LRBA: variants seen among roughly 807,000 people sequenced by gnomAD.
The protein encoded by LRBA is lipopolysaccharide-responsive and beige-like anchor protein.
Under a neutral mutation model 330.0 loss-of-function variants are expected in LRBA, and 176 were observed. The observed-to-expected ratio is 0.53, with a 90% CI of 0.47 to 0.60. The LOEUF (loss-of-function observed/expected upper bound fraction) is 0.60. LRBA is among the 20% of genes least tolerant of loss of function. The probability of loss-of-function intolerance (pLI) is 0.00; values close to 1 mark genes in which losing one functional copy is unlikely to be tolerated. For missense variants in LRBA, 3,259 were observed against 3,444.8 expected (o/e 0.95, Z 1.35); for synonymous variants, 1,230 against 1,193.0 (o/e 1.03, Z -0.64).
At chr4:150,778,176 T>G (rs1044769967) in intron 34 of LRBA, among the ~76,000 whole-genome samples, 1 of 152,116 alleles carries the variant, frequency 6.6e-6, no homozygotes, top group Admixed American at 6.6e-5. Flanking sequence ...AGGAAAGATT[T>G]TATTCTATTG....
At chr4:150,763,895 T>G (rs1735419275) in intron 34 of LRBA, among the ~76,000 whole-genome samples, 1 of 151,920 alleles carries the variant, frequency 6.6e-6, no homozygotes, top group Non-Finnish European at 1.5e-5. Flanking sequence ...CCTCTGTGGA[T>G]AGGCAGCAAG....
At chr4:150,868,883 A>G (rs1753072853) in intron 20 of LRBA, among the ~76,000 whole-genome samples, 1 of 152,210 alleles carries the variant, frequency 6.6e-6, no homozygotes, top group South Asian at 2.1e-4. Context: ...GGCTGCAGTG[A>G]GCCAAGATCG....
Position 150,851,918 on chromosome 4 carries a change from C to T in LRBA, c.3792G>A (p.Val1264=), listed in dbSNP as rs1445507837. 3 of 1,613,544 alleles carry T rather than the reference C, an allele frequency of 1.9e-6. No homozygotes were observed. Among genetic ancestry groups the T allele is most frequent in the Admixed American group, 3.3e-5 (2 of 59,970 alleles). ...CATGTCGATGAGGTTGAGGTGCTTC[C>T]ACGTTGGGACTGGCCTTCAACTCCA... ...ERLELKASPN[V]EAPQPHRHVL... is the part of the protein sequence containing the mutation. The change falls in exon 23 of 57, where the codon GTG becomes GTA. Residue 1264 remains valine, a synonymous_variant. Transcript: ENST00000651943.
intron 2 of LRBA, among the ~76,000 whole-genome samples, chr4:150,941,561 G>C (rs1166538262): frequency 6.6e-6 from 1 of 151,988 alleles, no homozygotes; most frequent in African/African-American, 2.4e-5. Context: ...GACTTTTTTT[G>C]GAAATATCAT....
At chr4:150,592,143 G>A (rs1460807676) in intron 38 of LRBA, among the ~76,000 whole-genome samples, 2 of 56,674 alleles carry the variant, frequency 3.5e-5, no homozygotes, top group South Asian at 9.7e-4. Context: ...GGATGGCTAG[G>A]GTTTTTTTTT....
intron 53 of LRBA, among the ~76,000 whole-genome samples, chr4:150,302,056 T>C (rs1404792703): frequency 6.6e-6 from 1 of 152,208 alleles, no homozygotes; most frequent in African/African-American, 2.4e-5. Flanking sequence ...CAATTTTAAA[T>C]GGTTACACAT....
rs76227279 is a variant in LRBA at position 150,602,541 on chromosome 4, A to T, written c.5922-3410T>A. Reference sequence around the variant, plus strand: ...TGTTTCCCTAAGTCTGCTCCCTCCAACAACACATACTCTCAGTATAACGCT... The same window carrying T: ...TGTTTCCCTAAGTCTGCTCCCTCCATCAACACATACTCTCAGTATAACGCT... On this transcript the variant is annotated intron_variant, in intron 37 of 56. Coordinates refer to ENST00000651943, the MANE Select transcript of LRBA (RefSeq NM_001364905.1). Among the ~76,000 whole-genome samples, 5 of 152,254 alleles carry T rather than the reference A, an allele frequency of 3.3e-5. No individual in the cohort carries two copies. The East Asian group carries it at 9.6e-4, about 29-fold the overall frequency.
chr4:150,395,753 T>C (rs1305960426), intron 47 of LRBA, among the ~76,000 whole-genome samples: 1 of 152,144 alleles, frequency 6.6e-6, no homozygotes, highest in Non-Finnish European at 1.5e-5. Flanking sequence ...ATACAAAAAA[T>C]TCCATTATCT....
intron 22 of LRBA, among the ~76,000 whole-genome samples, chr4:150,864,761 C>T (rs903458328): frequency 6.6e-6 from 1 of 151,386 alleles, no homozygotes; most frequent in East Asian, 1.9e-4. Context: ...ATTCTCCTGC[C>T]TCAGTCTCCC....
intron 2 of LRBA, among the ~76,000 whole-genome samples, chr4:150,955,703 C>T (rs1050304222): frequency 6.7e-6 from 1 of 148,504 alleles, no homozygotes; most frequent in African/African-American, 2.6e-5. Flanking sequence ...ACCAGCCTGG[C>T]CAACATGGTG....
At chr4:150,537,041 G>C (rs998517222) in intron 40 of LRBA, among the ~76,000 whole-genome samples, 1 of 152,102 alleles carries the variant, frequency 6.6e-6, no homozygotes, top group Non-Finnish European at 1.5e-5. Context: ...TAAGCAAAAA[G>C]AACAAAGCTG....
At chr4:150,864,644 CTTTTTT>C (rs34280757) in intron 22 of LRBA, among the ~76,000 whole-genome samples, 11 of 118,452 alleles carry the variant, frequency 9.3e-5, no homozygotes, top group Non-Finnish European at 1.6e-4. Context: ...GGCCCACGTT[CTTTTTT>C]TTTTTTTTTT....
At chr4:150,909,254 A>G (rs1221075483) in intron 9 of LRBA, among the ~76,000 whole-genome samples, 1 of 152,024 alleles carries the variant, frequency 6.6e-6, no homozygotes, top group Non-Finnish European at 1.5e-5. Flanking sequence ...CAAAACTGAA[A>G]CTCTGTAGCC....
chr4:150,695,832 G>A (rs574702494), intron 36 of LRBA, among the ~76,000 whole-genome samples: 1 of 152,104 alleles, frequency 6.6e-6, no homozygotes, highest in Non-Finnish European at 1.5e-5. Context: ...CCTAACCAAT[G>A]GATTTTTAAA....
chr4:150,739,583 C>T (rs1005755696), intron 35 of LRBA, among the ~76,000 whole-genome samples: 1 of 151,878 alleles, frequency 6.6e-6, no homozygotes, highest in African/African-American at 2.4e-5. Context: ...GGGCTTGCCT[C>T]GAAGCAAGAA....
chr4:150,742,792 AAAGGCC>A (rs1732195536), intron 35 of LRBA, among the ~76,000 whole-genome samples: 1 of 152,042 alleles, frequency 6.6e-6, no homozygotes, highest in African/African-American at 2.4e-5. Flanking sequence ...CAGCTACTCA[AAAGGCC>A]AAGGCAGGAG....
At chr4:150,572,705 C>T (rs1329905398) in intron 40 of LRBA, among the ~76,000 whole-genome samples, 1 of 152,108 alleles carries the variant, frequency 6.6e-6, no homozygotes, top group East Asian at 1.9e-4. Context: ...TCAACCTAAA[C>T]CTCCAAGTCA....
intron 37 of LRBA, among the ~76,000 whole-genome samples, chr4:150,648,238 T>C (rs929196043): frequency 1.5e-5 from 2 of 135,826 alleles, no homozygotes; most frequent in Non-Finnish European, 3.1e-5. Context: ...AAGGAAGTGG[T>C]CTACACAAAC....
At chr4:150,794,286 G>A (rs1256458269) in intron 34 of LRBA, among the ~76,000 whole-genome samples, 4 of 152,192 alleles carry the variant, frequency 2.6e-5, no homozygotes, top group South Asian at 2.1e-4. Flanking sequence ...GAGCTGGTTT[G>A]CCTTTTTTGG....
Sources: gnomAD v4.1 joint callset for allele counts (sites outside exome capture counted in the v4.1 genomes callset) on GRCh38, gnomAD v4.1.1 for gene constraint, MANE v1.5 for transcripts, NCBI Gene and HGNC (gene_info 2026-07-23, HGNC 2026-07-21) for gene names.